The following IL4I1 variants were observed in gnomAD, a reference collection of about 807,000 sequenced individuals.
The protein encoded by IL4I1 is interleukin 4 induced 1.
IL4I1 carries 24 observed loss-of-function variants against 29.7 expected under a neutral mutation model. That is an observed-to-expected ratio of 0.81 (90% CI 0.59 to 1.14). The LOEUF is 1.14. Among genes scored for constraint, IL4I1 ranks in the 50% most tolerant of loss-of-function variants. IL4I1 has a pLI of 0.00. For synonymous variants in IL4I1, 371 were observed against 352.5 expected (o/e 1.05, Z -0.59); for missense variants, 686 against 785.6 (o/e 0.87, Z 1.52).
intron 2 of IL4I1, among the ~76,000 whole-genome samples, chr19:49,926,391 G>A (rs531730386): frequency 6.5e-4 from 98 of 151,828 alleles, no homozygotes; most frequent in African/African-American, 2.2e-3. Context: ...TTAGCCAGGC[G>A]TGGTGGTGGG....
intron 2 of IL4I1, among the ~76,000 whole-genome samples, chr19:49,912,073 CAAG>C (rs1338474456): frequency 1.3e-5 from 2 of 152,008 alleles, no homozygotes; most frequent in African/African-American, 4.8e-5. Context: ...CTAAAATTTC[CAAG>C]AAGAGCATTT....
intron 2 of IL4I1, chr19:49,908,519 C>T (rs1181360953): frequency 1.9e-6 from 3 of 1,614,154 alleles, no homozygotes; most frequent in Non-Finnish European, 2.5e-6. Flanking sequence ...GGTTTTCTCA[C>T]GCTCCTCATC....
In IL4I1 at chr19:49,890,420, C is replaced by A. The variant is rs750623787; in HGVS notation, c.954G>T (p.Val318=). The A allele has an allele frequency of 6.2e-7, 1 of 1,610,028 alleles. No homozygotes were observed. ...CCGCCGGTCCGCTCGCCGTCAGCAGCACCACGTCGGCCTTCAGCACCTTCA... is the reference window on the plus strand; with the variant it reads ...CCGCCGGTCCGCTCGCCGTCAGCAGAACCACGTCGGCCTTCAGCACCTTCA... ...RNLKVLKADV[V]LLTASGPAVK... The change falls in exon 8 of 8, where the codon GTG becomes GTT. Residue 318 remains valine (V), a synonymous_variant. Coordinates refer to ENST00000391826, the MANE Select transcript of IL4I1 (RefSeq NM_152899.2).
intron 2 of IL4I1, among the ~76,000 whole-genome samples, chr19:49,914,194 A>C (rs2075559582): frequency 1.3e-5 from 2 of 152,218 alleles, no homozygotes; most frequent in South Asian, 4.1e-4. Flanking sequence ...GAACTTGGGA[A>C]GTTTCTCACA....
At chr19:49,893,985 CAAAAAAA>C (rs996597872) in intron 5 of IL4I1, among the ~76,000 whole-genome samples, 3 of 19,674 alleles carry the variant, frequency 1.5e-4, no homozygotes, top group East Asian at 1.3e-3. Flanking sequence ...GACTCCATCT[CAAAAAAA>C]AAAAAAAAAA....
rs1811244370 is a variant in IL4I1, at chr19:49,889,838, C to T, written c.1536G>A (p.Ser512=). The change falls in exon 8 of 8, where the codon TCG becomes TCA. Residue 512 remains serine, a synonymous_variant. Transcript: ENST00000391826. ...IKINSRKGPA[S]DTASPEGHAS... is the part of the protein sequence containing the mutation. ...CGTGCCCCTCGGGGCTGGCCGTGTCCGATGCAGGCCCCTTCCGGCTGTTGA... is the reference window on the plus strand; with the variant it reads ...CGTGCCCCTCGGGGCTGGCCGTGTCTGATGCAGGCCCCTTCCGGCTGTTGA... 6 of 1,576,282 alleles carry T rather than the reference C, an allele frequency of 3.8e-6. No homozygotes were observed. The highest frequency in any genetic ancestry group is 5.2e-6 in the Non-Finnish European group (6 of 1,160,380).
rs753062978 is a variant in IL4I1 at position 49,895,857 on chromosome 19, G to T, written c.210C>A (p.Ala70=). 6.2e-7 allele frequency: 1 copy of T among 1,613,872 alleles called. No homozygotes were observed. The highest frequency in any genetic ancestry group is 8.5e-7 in the Non-Finnish European group (1 of 1,179,914). Residue 70 remains alanine (A), a synonymous_variant, in exon 3 of 8, where the codon GCC becomes GCA. Coordinates refer to ENST00000391826, the MANE Select transcript of IL4I1 (RefSeq NM_152899.2). ...TGAGCACCTTGGCGGCCACCAGCCC[G>T]GCCACACCAGCGCCAACCACAATCA... ...QRVIVVGAGV[A]GLVAAKVLSD...
chr19:49,892,305 C>T (rs2075150023), intron 5 of IL4I1, among the ~76,000 whole-genome samples: 1 of 152,156 alleles, frequency 6.6e-6, no homozygotes, highest in African/African-American at 2.4e-5. Flanking sequence ...TGGTCTCGAA[C>T]TCCTGACCTC....
At chr19:49,908,172 A>T in intron 2 of IL4I1, 1 of 1,583,108 alleles carries the variant, frequency 6.3e-7, no homozygotes, top group Non-Finnish European at 8.6e-7. Context: ...ACCCCAAACT[A>T]CAGACAACAG....
chr19:49,904,945 C>T (rs776891842), intron 2 of IL4I1, among the ~76,000 whole-genome samples: 7 of 152,104 alleles, frequency 4.6e-5, no homozygotes, highest in Non-Finnish European at 8.8e-5. Flanking sequence ...CTCCTAACCT[C>T]GTGATCCGCC....
At chr19:49,910,838 C>T (rs962590794) in intron 2 of IL4I1, among the ~76,000 whole-genome samples, 7 of 152,264 alleles carry the variant, frequency 4.6e-5, no homozygotes, top group African/African-American at 1.7e-4. Context: ...CCAGTGGTGC[C>T]ATCTATCAGC....
intron 2 of IL4I1, among the ~76,000 whole-genome samples, chr19:49,914,726 G>GTTTTTT (rs530372497): frequency 0.024 from 1,356 of 56,374 alleles, 313 homozygotes; most frequent in African/African-American, 0.029. Flanking sequence ...CCAAGTCCCA[G>GTTTTTT]TTTTTTTTTT....
Position 49,889,953 on chromosome 19 carries a change from C to T in IL4I1, c.1421G>A (p.Gly474Asp). Residue 474 changes from glycine to aspartate, a missense_variant, in exon 8 of 8, where the codon GGC becomes GAC. Gly to Asp is a moderately conservative substitution (Grantham distance 94). Coordinates refer to ENST00000391826, the MANE Select transcript of IL4I1 (RefSeq NM_152899.2). The part of the protein sequence containing the change: ...TEKDDWTVPY[G>D]RIYFAGEHTA... Reference sequence around the variant, plus strand: ...GTGCTCGCCGGCAAAGTAGATGCGGCCATAAGGGACCGTCCAGTCATCCTT... The same window carrying T: ...GTGCTCGCCGGCAAAGTAGATGCGGTCATAAGGGACCGTCCAGTCATCCTT... 1 of 1,592,358 alleles carries T rather than the reference C, an allele frequency of 6.3e-7. No homozygotes were observed. The highest frequency in any genetic ancestry group is 1.1e-5 in the South Asian group (1 of 88,718).
Position 49,890,605 on chromosome 19 carries a change from A to AGGCGG in IL4I1, c.774-10_774-6dup, listed in dbSNP as rs1257333091. On this transcript the variant is annotated splice_region_variant and splice_polypyrimidine_tract_variant and intron_variant, in intron 7 of 7. Coordinates refer to ENST00000391826, the MANE Select transcript of IL4I1 (RefSeq NM_152899.2). ...CCACCCACGATGCGGCTGTACCTGC[A>AGGCGG]GGCGGGGCGGGGCGGGGTGGGGGCG... is the stretch of plus-strand genomic sequence containing the variant. 2.1e-6 allele frequency: 3 copies of AGGCGG among 1,416,216 alleles called. No individual in the cohort carries two copies. The highest frequency in any genetic ancestry group is 2.5e-5 in the South Asian group (2 of 79,710). 87.7% of individuals were successfully genotyped at this position (1,416,216 alleles called of 1,614,324 possible).
At chr19:49,908,550 T>G (rs375741773) in intron 2 of IL4I1, 15 of 1,614,068 alleles carry the variant, frequency 9.3e-6, no homozygotes, top group Admixed American at 1.7e-5. Context: ...AGGTAGATGG[T>G]CCCGCTCTGC....
At chr19:49,901,837 C>A, upstream of IL4I1, 1 of 584,764 alleles carries the variant, frequency 1.7e-6, no homozygotes, top group Non-Finnish European at 2.8e-6. Context: ...AAAGGCAGGT[C>A]CCCCTTTCTC....
intron 3 of IL4I1, chr19:49,901,974 A>T: frequency 3.6e-6 from 1 of 277,168 alleles, no homozygotes. Context: ...CACTGGATTT[A>T]TTTTAGAGCA....
chr19:49,913,957 G>C (rs2075551820), intron 2 of IL4I1, among the ~76,000 whole-genome samples: 1 of 152,182 alleles, frequency 6.6e-6, no homozygotes, highest in Non-Finnish European at 1.5e-5. Context: ...AGAAGGTCCA[G>C]GCCAAGAGCC....
In IL4I1 at chr19:49,908,829, C is replaced by T. The variant is rs761138867; in HGVS notation, c.-227-4508G>A. 8.1e-6 allele frequency: 13 copies of T among 1,612,922 alleles called. No individual in the cohort carries two copies. The East Asian group carries it at 1.1e-4, about 14-fold the overall frequency. ...CTCTCCAGCTGCGCGTAGGTCATGGCGGAGCTGGCAGCCGCCCCTGCAGCT... is the reference window on the plus strand; with the variant it reads ...CTCTCCAGCTGCGCGTAGGTCATGGTGGAGCTGGCAGCCGCCCCTGCAGCT... On this transcript the variant is annotated intron_variant, in intron 2 of 9. Transcript: ENST00000341114.
Sources: gnomAD v4.1 joint callset for allele counts (sites outside exome capture counted in the v4.1 genomes callset) on GRCh38, gnomAD v4.1.1 for gene constraint, MANE v1.5 for transcripts, NCBI Gene and HGNC (gene_info 2026-07-23, HGNC 2026-07-21) for gene names.